The following PSMG2 variants were observed in gnomAD, a reference collection of about 807,000 sequenced individuals.
The protein encoded by PSMG2 is CD40 ligand-activated specific transcript 3.
Under a neutral mutation model 31.5 loss-of-function variants are expected in PSMG2, and 21 were observed. That is an observed-to-expected ratio of 0.67 (90% confidence interval 0.47 to 0.96). PSMG2 has a LOEUF of 0.96. PSMG2 is among the 40% of genes least tolerant of loss of function. PSMG2 has a pLI of 0.00. For synonymous variants in PSMG2, 120 were observed against 110.4 expected, an observed-to-expected ratio of 1.09 and a Z score of -0.54; for missense variants, 318 against 321.2, an observed-to-expected ratio of 0.99 and a Z score of 0.08.
intron 2 of PSMG2, among the ~76,000 whole-genome samples, chr18:12,710,788 C>T (rs1051773419): frequency 1.3e-5 from 2 of 152,126 alleles, no homozygotes; most frequent in African/African-American, 4.8e-5. Context: ...TACTAGGAAA[C>T]AGGAACCTAA....
chr18:12,704,025 G>C (rs776322630), intron 1 of PSMG2, among the ~76,000 whole-genome samples: 7 of 152,180 alleles, frequency 4.6e-5, no homozygotes, highest in Non-Finnish European at 8.8e-5. Flanking sequence ...AGGCTGGAGA[G>C]AGCTGGAAGT....
intron 1 of PSMG2, among the ~76,000 whole-genome samples, chr18:12,676,119 G>A (rs1204192020): frequency 6.6e-6 from 1 of 151,814 alleles, no homozygotes; most frequent in African/African-American, 2.4e-5. Flanking sequence ...TATATTCAAG[G>A]TTTTAACTCA....
chr18:12,669,921 C>A (rs575153119), intron 1 of PSMG2, among the ~76,000 whole-genome samples: 1 of 150,370 alleles, frequency 6.7e-6, no homozygotes, highest in East Asian at 2.0e-4. Context: ...CACTTGAACC[C>A]AGGAGGCGGA....
At position 12,718,607 on chromosome 18, in the gene PSMG2, T is replaced by C. The variant is rs1474412117; in HGVS notation, c.379T>C (p.Tyr127His). 3 of 1,608,816 alleles carry C rather than the reference T, an allele frequency of 1.9e-6. No individual in the cohort carries two copies. The highest frequency in any genetic ancestry group is 2.2e-5 in the South Asian group (2 of 90,474). ...CATTGTTCTTTCAAGCAGTCATTCA[T>C]ATCAGCGTAATGATCTGCAGCTTCG... is the stretch of plus-strand genomic sequence containing the variant. ...RVIVLSSSHSYQRNDLQLRST... is the reference protein window; with the variant it reads ...RVIVLSSSHSHQRNDLQLRST... The change falls in exon 4 of 7, where the codon TAT (tyrosine) becomes CAT (histidine). Residue 127 changes from tyrosine to histidine, a missense_variant. Coordinates refer to ENST00000317615, the MANE Select transcript of PSMG2 (RefSeq NM_020232.5).
intron 1 of PSMG2, among the ~76,000 whole-genome samples, chr18:12,660,617 G>C (rs188298067): frequency 5.5e-4 from 84 of 152,110 alleles, no homozygotes; most frequent in African/African-American, 1.8e-3. Flanking sequence ...CACTGTGCCC[G>C]GCCAAAAGAT....
chr18:12,692,344 C>T (rs2039798727), intron 1 of PSMG2: 1 of 151,852 alleles, frequency 6.6e-6, no homozygotes, highest in African/African-American at 2.4e-5. Flanking sequence ...CTGTCATTCT[C>T]TTGTTAAAAC....
chr18:12,686,139 AACCTGTGGGTACAGAGGG>A, intron 1 of PSMG2: 1 of 634,280 alleles, frequency 1.6e-6, no homozygotes, highest in Non-Finnish European at 2.5e-6. Context: ...ACAGATACAG[AACCTGTGGGTACAGAGGG>A]TTGACTATAT....
At chr18:12,717,204 C>T (rs560003579) in intron 3 of PSMG2, among the ~76,000 whole-genome samples, 1 of 152,136 alleles carries the variant, frequency 6.6e-6, no homozygotes, top group South Asian at 2.1e-4. Context: ...CCACCACGGC[C>T]TCCCAAAGTG....
At chr18:12,703,418 C>T (rs2040221606) in intron 1 of PSMG2, among the ~76,000 whole-genome samples, 1 of 152,184 alleles carries the variant, frequency 6.6e-6, no homozygotes, top group South Asian at 2.1e-4. Context: ...TGTGTTCGTA[C>T]GTTCTAGATA....
At chr18:12,723,774 C>T (rs149037334) in intron 5 of PSMG2, among the ~76,000 whole-genome samples, 1 of 152,158 alleles carries the variant, frequency 6.6e-6, no homozygotes, top group South Asian at 2.1e-4. Context: ...CTGTTTTAAG[C>T]ATTTTGCCTC....
At chr18:12,665,382 A>G (rs1022567376) in intron 1 of PSMG2, among the ~76,000 whole-genome samples, 38 of 152,080 alleles carry the variant, frequency 2.5e-4, no homozygotes, top group African/African-American at 9.2e-4. Flanking sequence ...AATCGAGTTC[A>G]TGCCTTATAT....
chr18:12,685,181 G>A (rs2039498186), intron 1 of PSMG2: 1 of 151,940 alleles, frequency 6.6e-6, no homozygotes, highest in Admixed American at 6.6e-5. Flanking sequence ...TGTACTTTTA[G>A]TGGAGACGGA....
chr18:12,674,769 A>G (rs764219084), intron 1 of PSMG2: 3 of 1,522,644 alleles, frequency 2.0e-6, no homozygotes, highest in Non-Finnish European at 2.7e-6. Flanking sequence ...AGCAATCAAG[A>G]GAAAAAGAAA....
intron 2 of PSMG2, among the ~76,000 whole-genome samples, chr18:12,707,201 A>G (rs551875244): frequency 3.4e-4 from 52 of 152,224 alleles, no homozygotes; most frequent in African/African-American, 1.2e-3. Flanking sequence ...TTCGTGATCC[A>G]ACCGCCTCAG....
intron 1 of PSMG2, chr18:12,665,161 A>T (rs2038779047): frequency 6.6e-6 from 1 of 152,174 alleles, no homozygotes. Flanking sequence ...ATCAACATAA[A>T]ATATGACTTC....
upstream of PSMG2, chr18:12,702,934 T>C (rs2145126540): frequency 1.4e-6 from 1 of 719,368 alleles, no homozygotes; most frequent in East Asian, 3.2e-5. Context: ...CGGCGGCCTC[T>C]TTCCGCCCTC....
chr18:12,716,390 A>ATTTTT (rs552921643), intron 3 of PSMG2, among the ~76,000 whole-genome samples: 5 of 130,338 alleles, frequency 3.8e-5, no homozygotes, highest in Non-Finnish European at 6.5e-5. Context: ...TAAAGAGTGA[A>ATTTTT]TTTTTTTTTT....
At chr18:12,725,225 A>G (rs963611314) in intron 6 of PSMG2, among the ~76,000 whole-genome samples, 2 of 152,128 alleles carry the variant, frequency 1.3e-5, no homozygotes, top group South Asian at 4.1e-4. Flanking sequence ...AACTTCATCT[A>G]CAGCCTTTCT....
At position 12,725,464 on chromosome 18, in the gene PSMG2, C is replaced by T. The variant is rs2040467534; in HGVS notation, c.728C>T (p.Ser243Leu). Residue 243 changes from serine (S) to leucine (L), a missense_variant, in exon 7 of 7, where the codon TCA (serine) becomes TTA (leucine). By Grantham distance (145) the Ser-to-Leu change is moderately radical (BLOSUM62 -2). Transcript: ENST00000317615. The stretch of plus-strand genomic sequence containing the variant: ...AGCGATGACCCCACAGTATCTGCCT[C>T]ACGGTGGAAAATACCAAGTTCTTGG... ...PLSDDPTVSASRWKIPSSWRL... is the reference protein window; with the variant it reads ...PLSDDPTVSALRWKIPSSWRL... 1 of 1,602,410 alleles carries T rather than the reference C, an allele frequency of 6.2e-7. No homozygotes were observed. The highest frequency in any genetic ancestry group is 1.1e-5 in the South Asian group (1 of 90,760).
Sources: allele counts gnomAD v4.1 joint callset (sites outside exome capture counted in the v4.1 genomes callset), GRCh38; gene constraint gnomAD v4.1.1; transcripts MANE v1.5; gene names NCBI Gene and HGNC (gene_info 2026-07-23, HGNC 2026-07-21).